TYW1B: variants seen among roughly 807,000 people sequenced by gnomAD.
The protein encoded by TYW1B is S-adenosyl-L-methionine-dependent tRNA 4-demethylwyosine synthase TYW1B.
A neutral mutation model predicts 86.9 loss-of-function variants in TYW1B; 73 were observed. The ratio of observed to expected loss-of-function variants is 0.84; its 90% CI spans 0.70 to 1.02. The LOEUF is 1.02. Among genes scored for constraint, TYW1B ranks in the 50% least tolerant of loss-of-function variants. The pLI, the probability that TYW1B is intolerant of heterozygous loss-of-function variation, is 0.00. For synonymous variants in TYW1B, 248 were observed against 292.8 expected, an observed-to-expected ratio of 0.85 and a Z score of 1.56; for missense variants, 637 against 827.4, an observed-to-expected ratio of 0.77 and a Z score of 2.82.
At chr7:72,578,680 T>C (rs568991458) in intron 13 of TYW1B, among the ~76,000 whole-genome samples, 6 of 152,292 alleles carry the variant, frequency 3.9e-5, no homozygotes, top group African/African-American at 1.4e-4. Flanking sequence ...ATGGGCCAAC[T>C]GGGCCAACTA....
At chr7:72,710,354 A>G (rs1786623108) in intron 10 of TYW1B, among the ~76,000 whole-genome samples, 2 of 152,344 alleles carry the variant, frequency 1.3e-5, no homozygotes, top group African/African-American at 4.8e-5. Flanking sequence ...CTAAAGTTTA[A>G]AAACAGAAAT....
chr7:72,733,575 C>T (rs1331046646), intron 8 of TYW1B, among the ~76,000 whole-genome samples: 3 of 152,070 alleles, frequency 2.0e-5, no homozygotes, highest in South Asian at 2.1e-4. Context: ...GCAGGGGAAT[C>T]GCTTGAACCC....
chr7:72,796,997 G>A (rs1387297056), intron 6 of TYW1B, among the ~76,000 whole-genome samples: 43 of 151,608 alleles, frequency 2.8e-4, no homozygotes, highest in African/African-American at 9.4e-4. Context: ...AATAGAGATG[G>A]GGTTTCATCG....
At chr7:72,691,451 C>T (rs1248748236) in intron 11 of TYW1B, among the ~76,000 whole-genome samples, 4 of 152,208 alleles carry the variant, frequency 2.6e-5, no homozygotes, top group Non-Finnish European at 4.4e-5. Context: ...CTTTAAGTTA[C>T]TGCATTACTG....
At chr7:72,682,447 A>G (rs1442553718) in intron 11 of TYW1B, among the ~76,000 whole-genome samples, 3 of 152,222 alleles carry the variant, frequency 2.0e-5, no homozygotes, top group Non-Finnish European at 2.9e-5. Context: ...GAAAATATAC[A>G]TAAGAATTTT....
At chr7:72,685,663 C>T (rs35972822) in intron 11 of TYW1B, among the ~76,000 whole-genome samples, 2 of 152,200 alleles carry the variant, frequency 1.3e-5, no homozygotes, top group East Asian at 3.9e-4. Flanking sequence ...TTAACTCTAA[C>T]TGGATTACAA....
chr7:72,646,539 T>C (rs1812936331), intron 11 of TYW1B, among the ~76,000 whole-genome samples: 1 of 151,886 alleles, frequency 6.6e-6, no homozygotes, highest in African/African-American at 2.4e-5. Context: ...ACCTGGCTAA[T>C]TTTTGTAATT....
At chr7:72,779,411 AAC>A (rs1301484033) in intron 6 of TYW1B, among the ~76,000 whole-genome samples, 1 of 152,308 alleles carries the variant, frequency 6.6e-6, no homozygotes, top group African/African-American at 2.4e-5. Context: ...CCATATATAA[AAC>A]AGATTAAAAA....
chr7:72,650,380 A>G (rs1258261018), intron 11 of TYW1B, among the ~76,000 whole-genome samples: 3 of 152,298 alleles, frequency 2.0e-5, no homozygotes, highest in Middle Eastern at 3.4e-3. Context: ...CTGGGGGTAC[A>G]GCACTCTACT....
At chr7:72,813,231 A>G (rs1676554046) in intron 3 of TYW1B, among the ~76,000 whole-genome samples, 1 of 145,018 alleles carries the variant, frequency 6.9e-6, no homozygotes, top group Non-Finnish European at 1.5e-5. Flanking sequence ...GCTAGAGGGC[A>G]ATGGCGCAAT....
chr7:72,614,064 AAGAG>A (rs1475406325), intron 13 of TYW1B, among the ~76,000 whole-genome samples: 2 of 151,906 alleles, frequency 1.3e-5, no homozygotes, highest in African/African-American at 2.4e-5. Context: ...ACGGGAGCAA[AAGAG>A]AGAGAGCAAG....
At chr7:72,741,165 T>C (rs2129571287) in intron 8 of TYW1B, among the ~76,000 whole-genome samples, 1 of 152,078 alleles carries the variant, frequency 6.6e-6, no homozygotes, top group Non-Finnish European at 1.5e-5. Context: ...AAAAAATACT[T>C]TAAGCCAACT....
At chr7:72,599,106 A>G (rs532345012) in intron 13 of TYW1B, among the ~76,000 whole-genome samples, 51 of 152,360 alleles carry the variant, frequency 3.3e-4, no homozygotes. Context: ...CCACAGAACA[A>G]TAATTGCCAT....
intron 7 of TYW1B, among the ~76,000 whole-genome samples, chr7:72,770,833 GTGAA>G (rs1310710663): frequency 5.3e-5 from 8 of 151,894 alleles, no homozygotes; most frequent in African/African-American, 1.7e-4. Flanking sequence ...AGCAATAAAA[GTGAA>G]TGAACTACTG....
At chr7:72,648,631 C>CCT (rs1375908991) in intron 11 of TYW1B, among the ~76,000 whole-genome samples, 1 of 151,794 alleles carries the variant, frequency 6.6e-6, no homozygotes, top group Non-Finnish European at 1.5e-5. Context: ...TCAGTAGAAC[C>CCT]TAAGAAGATC....
chr7:72,658,732 G>GT (rs1247627316), intron 11 of TYW1B, among the ~76,000 whole-genome samples: 7 of 152,196 alleles, frequency 4.6e-5, no homozygotes, highest in African/African-American at 1.7e-4. Flanking sequence ...GTATTGTTTT[G>GT]TTTTTTGAGA....
chr7:72,787,143 G>T (rs1377355320), intron 6 of TYW1B, among the ~76,000 whole-genome samples: 1 of 152,002 alleles, frequency 6.6e-6, no homozygotes, highest in Non-Finnish European at 1.5e-5. Flanking sequence ...CACATCAAAT[G>T]ACCAACTCTA....
chr7:72,667,649 G>A (rs757758174), intron 11 of TYW1B, among the ~76,000 whole-genome samples: 3 of 152,098 alleles, frequency 2.0e-5, no homozygotes, highest in Non-Finnish European at 4.4e-5. Flanking sequence ...GGAGGTGGAG[G>A]CTGCAGTGAG....
intron 8 of TYW1B, among the ~76,000 whole-genome samples, chr7:72,737,017 G>A (rs1787207977): frequency 6.6e-6 from 1 of 152,132 alleles, no homozygotes; most frequent in Non-Finnish European, 1.5e-5. Flanking sequence ...GACAGAGCGA[G>A]ACTCCGTCTC....
Sources: allele counts gnomAD v4.1 joint callset (sites outside exome capture counted in the v4.1 genomes callset), GRCh38; gene constraint gnomAD v4.1.1; transcripts MANE v1.5; gene names NCBI Gene and HGNC (gene_info 2026-07-23, HGNC 2026-07-21).